The following STRN variants were observed in gnomAD, a reference collection of about 807,000 sequenced individuals.
The protein encoded by STRN is striatin, also known as protein phosphatase 2 regulatory subunit B'''alpha.
A neutral mutation model predicts 96.3 loss-of-function variants in STRN; 53 were observed. The observed-to-expected ratio is 0.55, with a 90% CI of 0.44 to 0.69. The LOEUF is 0.69. Ranked by LOEUF, STRN falls within the 30% of genes least tolerant of loss-of-function variation. The pLI is 0.00. For missense variants in STRN, 987 were observed against 963.9 expected, an observed-to-expected ratio of 1.02 and a Z score of -0.32; for synonymous variants, 428 against 355.9, an observed-to-expected ratio of 1.20 and a Z score of -2.28.
chr2:36,919,340 A>G (rs1670188286), intron 2 of STRN, among the ~76,000 whole-genome samples: 1 of 152,214 alleles, frequency 6.6e-6, no homozygotes, highest in Non-Finnish European at 1.5e-5. Flanking sequence ...TAATTCGGTC[A>G]AAACTGGTGT....
intron 4 of STRN, among the ~76,000 whole-genome samples, chr2:36,904,189 G>A (rs1669759469): frequency 6.6e-6 from 1 of 152,188 alleles, no homozygotes; most frequent in Non-Finnish European, 1.5e-5. Context: ...GTGGGCATTA[G>A]TAAAAATTTA....
chr2:36,889,549 G>A (rs1384923504), intron 7 of STRN, among the ~76,000 whole-genome samples: 3 of 127,242 alleles, frequency 2.4e-5, no homozygotes, highest in African/African-American at 8.9e-5. Flanking sequence ...CATGGAAGAT[G>A]TATGGTAAAA....
chr2:36,862,145 A>C (rs1668505057), intron 12 of STRN, among the ~76,000 whole-genome samples: 2 of 152,048 alleles, frequency 1.3e-5, no homozygotes, highest in Non-Finnish European at 2.9e-5. Flanking sequence ...TATGTACCAC[A>C]TTTTCTTTAT....
At position 36,848,304 on chromosome 2, in the gene STRN, C is replaced by T. The variant is rs552652823; in HGVS notation, c.*1152G>A. ...CTTTCATCCAGGTTTCCAGGAGATT[C>T]TTACAGGGATTAATAGAGGACTTCT... is the stretch of plus-strand genomic sequence containing the variant. On this transcript the variant is annotated 3_prime_UTR_variant, in exon 18 of 18. Transcript: ENST00000263918. 3 of 152,290 alleles carry T rather than the reference C, an allele frequency of 2.0e-5. No individual in the cohort carries two copies. The South Asian group carries it at 6.2e-4, about 32-fold the overall frequency. 9.4% of individuals were successfully genotyped at this position (152,290 alleles called of 1,614,324 possible). A position where few individuals can be genotyped will look rare whatever the true frequency, so the allele number is the denominator to read the frequency against.
intron 1 of STRN, among the ~76,000 whole-genome samples, chr2:36,929,192 G>C (rs996411488): frequency 1.2e-4 from 18 of 151,972 alleles, no homozygotes; most frequent in African/African-American, 4.4e-4. Flanking sequence ...ATAGAAGGAA[G>C]ACATTTTACT....
chr2:36,837,803 T>C lies in STRN; in HGVS notation c.*11653A>G, dbSNP rs1210869904. Among the ~76,000 whole-genome samples the C allele has an allele frequency of 1.3e-5, 2 of 151,850 alleles. No homozygotes were observed. Among genetic ancestry groups the C allele is most frequent in the Admixed American group, 6.6e-5 (1 of 15,230 alleles). On this transcript the variant is annotated 3_prime_UTR_variant, in exon 18 of 18. Coordinates refer to ENST00000263918, the MANE Select transcript of STRN (RefSeq NM_003162.4). ...AATGTTTGCATCCAAGATAAGAAAATCTGAACATATATTGTACAACATACA... is the reference window on the plus strand; with the variant it reads ...AATGTTTGCATCCAAGATAAGAAAACCTGAACATATATTGTACAACATACA...
At chr2:36,958,883 G>A (rs996232442) in intron 1 of STRN, among the ~76,000 whole-genome samples, 2 of 152,210 alleles carry the variant, frequency 1.3e-5, no homozygotes, top group Non-Finnish European at 1.5e-5. Flanking sequence ...CACTTGGGAG[G>A]CTGAGGCGGG....
At chr2:36,899,310 A>T (rs1029414106) in intron 6 of STRN, among the ~76,000 whole-genome samples, 1 of 152,220 alleles carries the variant, frequency 6.6e-6, no homozygotes, top group African/African-American at 2.4e-5. Flanking sequence ...GAATGAACAA[A>T]AAGTCAAACA....
chr2:36,841,741 A>T lies in STRN; in HGVS notation c.*7715T>A, dbSNP rs1024177950. 1 of 152,200 alleles carries T rather than the reference A, an allele frequency of 6.6e-6. No homozygotes were observed. The highest frequency in any genetic ancestry group is 1.5e-5 in the Non-Finnish European group (1 of 68,034). 9.4% of individuals were successfully genotyped at this position (152,200 alleles called of 1,614,324 possible). Reference sequence around the variant, plus strand: ...TTACAGCTTCCTAAAATATAATGAAAACTATTTCCTCTGACACTTTGCCAT... The same window carrying T: ...TTACAGCTTCCTAAAATATAATGAATACTATTTCCTCTGACACTTTGCCAT... On this transcript the variant is annotated 3_prime_UTR_variant, in exon 18 of 18. Transcript: ENST00000263918.
chr2:36,930,817 G>C (rs1388676401), intron 1 of STRN, among the ~76,000 whole-genome samples: 11 of 152,202 alleles, frequency 7.2e-5, no homozygotes, highest in Middle Eastern at 3.4e-3. Flanking sequence ...TGGATCACTT[G>C]AGGTCAGGAG....
Position 36,850,993 on chromosome 2 carries a change from T to C in STRN, c.2086+7A>G, listed in dbSNP as rs749910518. 64 of 1,560,238 alleles carry C rather than the reference T, an allele frequency of 4.1e-5. No individual in the cohort carries two copies. The highest frequency in any genetic ancestry group is 5.3e-5 in the Non-Finnish European group (61 of 1,149,584). On this transcript the variant is annotated splice_region_variant and intron_variant, in intron 16 of 17. Transcript: ENST00000263918. ...TTAATAAAAATCAATTCTTAATAAATTCTTACCTGTATTGTTATCATAGAA... is the reference window on the plus strand; with the variant it reads ...TTAATAAAAATCAATTCTTAATAAACTCTTACCTGTATTGTTATCATAGAA...
At chr2:36,911,759 C>T (rs1017738335) in intron 3 of STRN, among the ~76,000 whole-genome samples, 2 of 152,064 alleles carry the variant, frequency 1.3e-5, no homozygotes, top group Admixed American at 6.6e-5. Context: ...TTTTTCTCTC[C>T]GTGAATTCAA....
At chr2:36,961,701 G>C (rs543582659) in intron 1 of STRN, among the ~76,000 whole-genome samples, 2 of 152,094 alleles carry the variant, frequency 1.3e-5, no homozygotes, top group African/African-American at 4.8e-5. Flanking sequence ...CCCTTTTAAA[G>C]ATGGTGTCAC....
At chr2:36,855,665 C>G (rs533394441) in intron 14 of STRN, among the ~76,000 whole-genome samples, 1 of 152,238 alleles carries the variant, frequency 6.6e-6, no homozygotes, top group South Asian at 2.1e-4. Flanking sequence ...TGCTTCCGCC[C>G]AACCTCAAGC....
intron 1 of STRN, among the ~76,000 whole-genome samples, chr2:36,949,016 T>C (rs1664683429): frequency 6.6e-6 from 1 of 152,252 alleles, no homozygotes; most frequent in African/African-American, 2.4e-5. Flanking sequence ...TGATTAACCA[T>C]ATATACATGA....
rs2148118243 is a variant in STRN, at chr2:36,846,698, A to C, written c.*2758T>G. 6.6e-6 allele frequency: 1 copy of C among 152,026 alleles called. No homozygotes were observed. The highest frequency in any genetic ancestry group is 6.6e-5 in the Admixed American group (1 of 15,226). The allele number at this position is 152,026 out of a possible 1,614,324, so 9.4% of individuals were successfully genotyped here. A position where few individuals can be genotyped will look rare whatever the true frequency, so the allele number is the denominator to read the frequency against. On this transcript the variant is annotated 3_prime_UTR_variant, in exon 18 of 18. Coordinates refer to ENST00000263918, the MANE Select transcript of STRN (RefSeq NM_003162.4). Reference sequence around the variant, plus strand: ...TAACTAAGTATTTGTTTAATGGCAAAAGTTGTTAAACTTGTTCAATAGAAA... The same window carrying C: ...TAACTAAGTATTTGTTTAATGGCAACAGTTGTTAAACTTGTTCAATAGAAA...
At chr2:36,897,080 T>A (rs1669560758) in intron 6 of STRN, among the ~76,000 whole-genome samples, 1 of 151,880 alleles carries the variant, frequency 6.6e-6, no homozygotes, top group Non-Finnish European at 1.5e-5. Context: ...GACAGGAGAA[T>A]TGCTTGAACC....
chr2:36,844,799 G>A lies in STRN; in HGVS notation c.*4657C>T, dbSNP rs1281569140. 7 of 152,152 alleles carry A rather than the reference G, an allele frequency of 4.6e-5. No individual in the cohort carries two copies. The highest frequency in any genetic ancestry group is 9.7e-5 in the African/African-American group (4 of 41,444). The allele number at this position is 152,152 out of a possible 1,614,324, so 9.4% of individuals were successfully genotyped here. ...ATGGATATTGCCAATTAAAAAGTTT[G>A]TAGTGGCAAAAGTAAAAATGATTCA... On this transcript the variant is annotated 3_prime_UTR_variant, in exon 18 of 18. Transcript: ENST00000263918.
chr2:36,870,651 G>C lies in STRN; in HGVS notation c.1324-922C>G, dbSNP rs546405295. Among the ~76,000 whole-genome samples the C allele has an allele frequency of 6.6e-5, 10 of 152,312 alleles. No individual in the cohort carries two copies. The East Asian group carries it at 1.7e-3, about 26-fold the overall frequency. On this transcript the variant is annotated intron_variant, in intron 10 of 17. Coordinates refer to ENST00000263918, the MANE Select transcript of STRN (RefSeq NM_003162.4). ...TATTTGTGCTGCCAGTAGTATTAAAGTCTAGCACATATAATTATGTACAGA... is the reference window on the plus strand; with the variant it reads ...TATTTGTGCTGCCAGTAGTATTAAACTCTAGCACATATAATTATGTACAGA...
Sources: allele counts gnomAD v4.1 joint callset (sites outside exome capture counted in the v4.1 genomes callset), GRCh38; gene constraint gnomAD v4.1.1; transcripts MANE v1.5; gene names NCBI Gene and HGNC (gene_info 2026-07-23, HGNC 2026-07-21).